TMEM132D: variants seen among roughly 807,000 people sequenced by gnomAD.
TMEM132D encodes the protein transmembrane protein 132D, also known as mature OL transmembrane protein.
TMEM132D carries 21 observed loss-of-function variants against 62.3 expected under a neutral mutation model. The observed-to-expected ratio is 0.34, with a 90% CI of 0.24 to 0.49. TMEM132D has a LOEUF of 0.49. TMEM132D is among the 20% of genes least tolerant of loss of function. TMEM132D has a pLI of 0.99. For missense variants in TMEM132D, 1,346 were observed against 1,402.8 expected (o/e 0.96, Z 0.65); for synonymous variants, 621 against 575.6 (o/e 1.08, Z -1.13).
intron 3 of TMEM132D, among the ~76,000 whole-genome samples, chr12:129,424,803 A>C (rs528221563): frequency 4.6e-5 from 7 of 151,930 alleles, no homozygotes; most frequent in African/African-American, 1.7e-4. Flanking sequence ...GTGTATTGAG[A>C]CATATTTAGA....
intron 3 of TMEM132D, among the ~76,000 whole-genome samples, chr12:129,500,961 G>A (rs1004467387): frequency 6.6e-6 from 1 of 152,056 alleles, no homozygotes; most frequent in Admixed American, 6.5e-5. Flanking sequence ...TCAAAACATT[G>A]TAATTTCAAT....
chr12:129,635,711 A>G (rs1192223769), intron 2 of TMEM132D, among the ~76,000 whole-genome samples: 1 of 152,206 alleles, frequency 6.6e-6, no homozygotes, highest in African/African-American at 2.4e-5. Flanking sequence ...GAGAAATAGT[A>G]TTGAGGAAAA....
At chr12:129,296,482 A>G (rs1881578953) in intron 4 of TMEM132D, among the ~76,000 whole-genome samples, 1 of 152,226 alleles carries the variant, frequency 6.6e-6, no homozygotes, top group Admixed American at 6.5e-5. Context: ...TGTGTTACAG[A>G]CTTTGCCTTT....
In TMEM132D at chr12:129,580,338, C is replaced by T. The variant is rs532342974; in HGVS notation, c.969-49133G>A. ...ACAGGACTGGTCACCACATCCACGC[C>T]TGCATTCGAGTTGAAATCGAGAGAA... On this transcript the variant is annotated intron_variant, in intron 2 of 8. Coordinates refer to ENST00000422113, the MANE Select transcript of TMEM132D (RefSeq NM_133448.3). Among the ~76,000 whole-genome samples, 127 of 152,332 alleles carry T rather than the reference C, an allele frequency of 8.3e-4. 2 individuals carry two copies. The highest frequency in any genetic ancestry group is 8.1e-3 in the Admixed American group (124 of 15,310).
intron 3 of TMEM132D, among the ~76,000 whole-genome samples, chr12:129,351,591 A>C (rs1419525035): frequency 1.3e-5 from 2 of 152,198 alleles, no homozygotes; most frequent in Admixed American, 6.5e-5. Context: ...AGGCTATGAA[A>C]GCTTTAGACA....
intron 5 of TMEM132D, among the ~76,000 whole-genome samples, chr12:129,162,886 C>T (rs1332455211): frequency 6.6e-6 from 1 of 152,218 alleles, no homozygotes; most frequent in Non-Finnish European, 1.5e-5. Context: ...AATGTTCTAA[C>T]ACAATCTGTC....
intron 2 of TMEM132D, among the ~76,000 whole-genome samples, chr12:129,684,256 G>A (rs143901233): frequency 1.2e-4 from 18 of 152,196 alleles, no homozygotes; most frequent in African/African-American, 3.6e-4. Flanking sequence ...TAATTGAATC[G>A]TGGGGGTAGT....
intron 4 of TMEM132D, among the ~76,000 whole-genome samples, chr12:129,319,766 G>A (rs1593335770): frequency 6.6e-6 from 1 of 152,220 alleles, no homozygotes; most frequent in East Asian, 1.9e-4. Context: ...GTATTCCGCA[G>A]AAGGTATTGT....
intron 3 of TMEM132D, among the ~76,000 whole-genome samples, chr12:129,420,197 G>T (rs1872258814): frequency 6.6e-6 from 1 of 151,956 alleles, no homozygotes; most frequent in Admixed American, 6.6e-5. Context: ...CCCACCGATG[G>T]TGTCCCGGCT....
chr12:129,838,764 G>A (rs150776715), intron 1 of TMEM132D, among the ~76,000 whole-genome samples: 1 of 152,238 alleles, frequency 6.6e-6, no homozygotes, highest in African/African-American at 2.4e-5. Context: ...ATTTAACCTA[G>A]TAGTAATCAA....
intron 3 of TMEM132D, among the ~76,000 whole-genome samples, chr12:129,404,333 G>T (rs1178375368): frequency 6.6e-6 from 1 of 151,998 alleles, no homozygotes; most frequent in African/African-American, 2.4e-5. Context: ...CAAGTAGCAG[G>T]GACTACAGGC....
chr12:129,385,598 C>G (rs553769228), intron 3 of TMEM132D, among the ~76,000 whole-genome samples: 1 of 152,260 alleles, frequency 6.6e-6, no homozygotes, highest in Admixed American at 6.5e-5. Flanking sequence ...TTTCCTTCTT[C>G]CTTTAAATAT....
intron 1 of TMEM132D, among the ~76,000 whole-genome samples, chr12:129,764,471 A>T (rs1870485561): frequency 6.6e-6 from 1 of 152,226 alleles, no homozygotes; most frequent in Non-Finnish European, 1.5e-5. Flanking sequence ...TTCATTGGAC[A>T]CAAAAAGGTT....
At chr12:129,615,690 T>C (rs1878894611) in intron 2 of TMEM132D, among the ~76,000 whole-genome samples, 1 of 151,332 alleles carries the variant, frequency 6.6e-6, no homozygotes, top group Admixed American at 6.6e-5. Flanking sequence ...GAGGATCACT[T>C]GAGTCCAGGA....
At position 129,601,212 on chromosome 12, in the gene TMEM132D, C is replaced by T. The variant is rs564724710; in HGVS notation, c.969-70007G>A. On this transcript the variant is annotated intron_variant, in intron 2 of 8. Coordinates refer to ENST00000422113, the MANE Select transcript of TMEM132D (RefSeq NM_133448.3). ...CTTTTCTTAAATCTCATGAAACAAC[C>T]TCTGCTAGTTTCCAGCTTTTCTTCT... Among the ~76,000 whole-genome samples the T allele has an allele frequency of 7.2e-5, 11 of 152,314 alleles. No individual in the cohort carries two copies. The South Asian group carries it at 2.3e-3, about 32-fold the overall frequency.
At chr12:129,338,897 T>C (rs1478664883) in intron 3 of TMEM132D, among the ~76,000 whole-genome samples, 5 of 151,496 alleles carry the variant, frequency 3.3e-5, no homozygotes, top group Non-Finnish European at 5.9e-5. Context: ...TTGTTCTCAA[T>C]AGGAGGGATG....
At chr12:129,372,792 T>C (rs147315817) in intron 3 of TMEM132D, among the ~76,000 whole-genome samples, 6,761 of 152,072 alleles carry the variant, frequency 0.044, 203 homozygotes, top group Non-Finnish European at 0.065. Context: ...ACAGATTCTA[T>C]ATTATGGTGA....
intron 1 of TMEM132D, among the ~76,000 whole-genome samples, chr12:129,889,489 G>C (rs1283185771): frequency 6.6e-6 from 1 of 152,152 alleles, no homozygotes; most frequent in Non-Finnish European, 1.5e-5. Flanking sequence ...GGCATTACCT[G>C]TTCCTGCAGC....
At chr12:129,360,432 G>A (rs1870208319) in intron 3 of TMEM132D, among the ~76,000 whole-genome samples, 1 of 152,206 alleles carries the variant, frequency 6.6e-6, no homozygotes, top group Non-Finnish European at 1.5e-5. Context: ...AGACCCGAAG[G>A]TGGGTTCAAT....
Sources: gnomAD v4.1 joint callset for allele counts (sites outside exome capture counted in the v4.1 genomes callset) on GRCh38, gnomAD v4.1.1 for gene constraint, MANE v1.5 for transcripts, NCBI Gene and HGNC (gene_info 2026-07-23, HGNC 2026-07-21) for gene names.